RBFOX1: variants seen among roughly 807,000 people sequenced by gnomAD.
RBFOX1 encodes RNA binding fox-1 homolog 1, also known as RNA binding protein fox-1 homolog 1.
Under a neutral mutation model 57.7 loss-of-function variants are expected in RBFOX1, and 8 were observed. The ratio of observed to expected loss-of-function variants is 0.14; its 90% CI spans 0.08 to 0.25. RBFOX1 has a LOEUF of 0.25. Among genes scored for constraint, RBFOX1 ranks in the 10% least tolerant of loss-of-function variants. The probability of loss-of-function intolerance (pLI) is 1.00; values close to 1 mark genes in which losing one functional copy is unlikely to be tolerated. For synonymous variants in RBFOX1, 326 were observed against 222.4 expected (o/e 1.47, Z -4.15); for missense variants, 611 against 548.5 (o/e 1.11, Z -1.14).
intron 3 of RBFOX1, among the ~76,000 whole-genome samples, chr16:5,699,461 A>G (rs1485068437): frequency 1.4e-5 from 2 of 142,534 alleles, no homozygotes; most frequent in African/African-American, 2.6e-5. Context: ...AGATTGTTCT[A>G]TTTTTAGTGC....
At chr16:6,469,891 A>G (rs546483689) in intron 2 of RBFOX1, among the ~76,000 whole-genome samples, 2 of 152,276 alleles carry the variant, frequency 1.3e-5, no homozygotes, top group South Asian at 4.1e-4. Context: ...TTACAATCCT[A>G]TATTGTATTT....
At chr16:6,385,444 C>T (rs1449010005) in intron 2 of RBFOX1, among the ~76,000 whole-genome samples, 2 of 152,200 alleles carry the variant, frequency 1.3e-5, no homozygotes, top group Non-Finnish European at 2.9e-5. Context: ...ACTGCAATCT[C>T]CTCCTCCCAG....
rs549307756 is a variant in RBFOX1, at chr16:5,661,672, A to G, written c.318+62711A>G. Among the ~76,000 whole-genome samples, 7 of 152,364 alleles carry G rather than the reference A, an allele frequency of 4.6e-5. No homozygotes were observed. In the East Asian group the frequency reaches 5.8e-4, roughly 13 times the overall value. On this transcript the variant is annotated intron_variant, in intron 3 of 19. Coordinates refer to the RBFOX1 transcript ENST00000641259. ...CGTTGGTCCTCACCCGTAGTTAGTT[A>G]CTATTGTGTATGGTGAAGACACTTA...
At chr16:5,852,736 G>T (rs974384820) in intron 3 of RBFOX1, among the ~76,000 whole-genome samples, 3 of 152,114 alleles carry the variant, frequency 2.0e-5, no homozygotes, top group African/African-American at 7.2e-5. Flanking sequence ...AGGCTGAGGC[G>T]GGAGGATCAC....
chr16:7,034,048 G>GGT (rs1568461790), intron 3 of RBFOX1, among the ~76,000 whole-genome samples: 3 of 152,178 alleles, frequency 2.0e-5, no homozygotes, highest in African/African-American at 7.2e-5. Context: ...GCGGAGATGA[G>GGT]GTAGGTATGG....
intron 4 of RBFOX1, among the ~76,000 whole-genome samples, chr16:7,171,027 C>G (rs147956080): frequency 6.6e-6 from 1 of 152,202 alleles, no homozygotes; most frequent in East Asian, 1.9e-4. Flanking sequence ...TGCCTCTCAC[C>G]TGCGATGTCT....
chr16:7,710,012 G>A (rs1333223701), intron 15 of RBFOX1: 4 of 1,008,546 alleles, frequency 4.0e-6, no homozygotes, highest in Admixed American at 1.2e-4. Context: ...GTGCCACCTT[G>A]TAGCCATTAA....
At chr16:5,951,801 T>G (rs1276515325) in intron 4 of RBFOX1, among the ~76,000 whole-genome samples, 1 of 148,248 alleles carries the variant, frequency 6.7e-6, no homozygotes, top group Non-Finnish European at 1.5e-5. Context: ...AGTTAAAAGT[T>G]AAAGTTGTTA....
At chr16:5,755,878 G>A (rs575644813) in intron 3 of RBFOX1, among the ~76,000 whole-genome samples, 5 of 152,260 alleles carry the variant, frequency 3.3e-5, no homozygotes, top group East Asian at 1.9e-4. Context: ...AATTACAGGC[G>A]TGAGCTCTTG....
At chr16:5,829,362 G>GA (rs1477259165) in intron 3 of RBFOX1, among the ~76,000 whole-genome samples, 1 of 152,206 alleles carries the variant, frequency 6.6e-6, no homozygotes, top group Non-Finnish European at 1.5e-5. Context: ...TGATGACTGC[G>GA]AGGAGAATGG....
At chr16:7,160,907 C>T (rs2078197641) in intron 4 of RBFOX1, among the ~76,000 whole-genome samples, 1 of 151,786 alleles carries the variant, frequency 6.6e-6, no homozygotes, top group Non-Finnish European at 1.5e-5. Context: ...ACTCTAACTT[C>T]TTCAGCCCGT....
intron 2 of RBFOX1, among the ~76,000 whole-genome samples, chr16:6,485,590 A>G (rs902071524): frequency 1.3e-5 from 2 of 152,182 alleles, no homozygotes; most frequent in Non-Finnish European, 2.9e-5. Flanking sequence ...ATTATTTAGT[A>G]TCAGGCAATT....
intron 4 of RBFOX1, among the ~76,000 whole-genome samples, chr16:7,229,621 TGGAG>T (rs1209860022): frequency 1.9e-5 from 1 of 53,456 alleles, no homozygotes; most frequent in Non-Finnish European, 3.6e-5. Context: ...AGAAGAAAGA[TGGAG>T]GGAGGGAAGG....
intron 4 of RBFOX1, among the ~76,000 whole-genome samples, chr16:7,513,603 G>A (rs1463015431): frequency 6.6e-6 from 1 of 152,180 alleles, no homozygotes; most frequent in East Asian, 1.9e-4. Flanking sequence ...CTAGATGGCA[G>A]TAGCACATCC....
chr16:6,788,056 C>G (rs1415801323), intron 3 of RBFOX1, among the ~76,000 whole-genome samples: 2 of 152,002 alleles, frequency 1.3e-5, no homozygotes, highest in East Asian at 1.9e-4. Flanking sequence ...AACCCCATCT[C>G]TACTAAAAAT....
intron 1 of RBFOX1, among the ~76,000 whole-genome samples, chr16:5,444,768 C>T (rs543725068): frequency 3.3e-5 from 5 of 152,308 alleles, no homozygotes; most frequent in African/African-American, 1.2e-4. Flanking sequence ...CTGTATTCAC[C>T]TCACTTCATC....
chr16:6,584,747 G>C (rs2097583601), intron 2 of RBFOX1, among the ~76,000 whole-genome samples: 1 of 152,080 alleles, frequency 6.6e-6, no homozygotes, highest in African/African-American at 2.4e-5. Context: ...TGGAAGATGT[G>C]AATTGCCACC....
At chr16:6,206,339 C>T (rs2097255343) in intron 1 of RBFOX1, among the ~76,000 whole-genome samples, 1 of 152,186 alleles carries the variant, frequency 6.6e-6, no homozygotes, top group Non-Finnish European at 1.5e-5. Flanking sequence ...CTTCAGGAAT[C>T]TGCTGAAGCA....
At chr16:6,529,404 C>T (rs1268594141) in intron 2 of RBFOX1, among the ~76,000 whole-genome samples, 1 of 151,872 alleles carries the variant, frequency 6.6e-6, no homozygotes, top group Non-Finnish European at 1.5e-5. Flanking sequence ...ACTAAAAATA[C>T]AAAAATCAGT....
Sources: allele counts gnomAD v4.1 joint callset (sites outside exome capture counted in the v4.1 genomes callset), GRCh38; gene constraint gnomAD v4.1.1; transcripts MANE v1.5; gene names NCBI Gene and HGNC (gene_info 2026-07-23, HGNC 2026-07-21).